The following FHAD1 variants were observed in gnomAD, a reference collection of about 807,000 sequenced individuals.
The protein encoded by FHAD1 is forkhead associated phosphopeptide binding domain 1.
In FHAD1, 146 loss-of-function variants were observed where a neutral mutation model predicts 191.3. The observed-to-expected ratio is 0.76, with a 90% CI of 0.67 to 0.88. The LOEUF (loss-of-function observed/expected upper bound fraction) is 0.88, where lower values mean the gene tolerates loss of function less well. Among genes scored for constraint, FHAD1 ranks in the 40% least tolerant of loss-of-function variants. The pLI, the probability that FHAD1 is intolerant of heterozygous loss-of-function variation, is 0.00. For missense variants in FHAD1, 1,635 were observed against 1,785.8 expected (o/e 0.92, Z 1.52); for synonymous variants, 616 against 672.3 (o/e 0.92, Z 1.29).
chr1:15,393,418 A>ACACACACACACG (rs1553127035), intron 33 of FHAD1, among the ~76,000 whole-genome samples: 9 of 128,452 alleles, frequency 7.0e-5, no homozygotes, highest in African/African-American at 3.5e-4. Flanking sequence ...AGATGTGGAC[A>ACACACACACACG]CACACACACA....
In FHAD1 at chr1:15,307,162, G is replaced by GT. The variant is rs577185895; in HGVS notation, c.916-1448dup. Among the ~76,000 whole-genome samples the GT allele has an allele frequency of 3.4e-3, 518 of 152,310 alleles. 3 individuals are homozygous for GT. The highest frequency in any genetic ancestry group is 0.012 in the African/African-American group (501 of 41,560). ...CAAAAGATCATTTTGGAGCTTTAAA[G>GT]TTTGACTGCCCTGCTGGATTTCAGA... On this transcript the variant is annotated intron_variant, in intron 6 of 33. Coordinates refer to ENST00000688493, the MANE Select transcript of FHAD1 (RefSeq NM_001391957.1).
intron 1 of FHAD1, among the ~76,000 whole-genome samples, chr1:15,247,878 T>C (rs1646285724): frequency 6.6e-6 from 1 of 152,210 alleles, no homozygotes. Context: ...GGAGTGCAGA[T>C]GCCTGAAGCT....
intron 31 of FHAD1, among the ~76,000 whole-genome samples, chr1:15,382,425 A>G (rs1203772564): frequency 6.6e-6 from 1 of 152,146 alleles, no homozygotes; most frequent in Non-Finnish European, 1.5e-5. Context: ...CATGGTGCTC[A>G]TCTGTATTTT....
At chr1:15,330,948 G>A (rs573388640) in intron 14 of FHAD1, among the ~76,000 whole-genome samples, 2 of 152,252 alleles carry the variant, frequency 1.3e-5, no homozygotes, top group Admixed American at 6.5e-5. Context: ...GCGGGCTGCC[G>A]TAAGAGATGA....
chr1:15,244,955 AG>A (rs1645826761), upstream of FHAD1, among the ~76,000 whole-genome samples: 1 of 152,184 alleles, frequency 6.6e-6, no homozygotes, highest in South Asian at 2.1e-4. The surrounding 1 kb of genome is among the most constrained non-coding windows in gnomAD (Gnocchi z 5.1). Context: ...GCCTCTGGTG[AG>A]GGTCTCAGGC....
chr1:15,327,396 G>T lies in FHAD1; in HGVS notation c.1557+254G>T. 1 of 409,768 alleles carries T rather than the reference G, an allele frequency of 2.4e-6. No homozygotes were observed. The highest frequency in any genetic ancestry group is 4.3e-5 in the Admixed American group (1 of 23,308). The allele number at this position is 409,768 out of a possible 1,614,324, so 25.4% of individuals were successfully genotyped here. The stretch of plus-strand genomic sequence containing the variant: ...CATTCGGGCTTACTTCTGGTCTCCA[G>T]ACATGCATGTTTCGCCTCCATTAGC... On this transcript the variant is annotated intron_variant, in intron 12 of 33. Transcript: ENST00000688493. The surrounding 1 kb of genome is among the most constrained non-coding windows in gnomAD (Gnocchi z 5.1).
chr1:15,382,228 G>C, intron 31 of FHAD1, 35 bp downstream of exon 31: 1 of 1,544,650 alleles, frequency 6.5e-7, no homozygotes, highest in Non-Finnish European at 8.7e-7. Flanking sequence ...AACCTCCCAG[G>C]CTGCCCTGCA....
rs1696842536 is a variant in FHAD1 at position 15,367,461 on chromosome 1, AG to A, written c.3157del. 6.4e-7 allele frequency: 1 copy of A among 1,550,904 alleles called. No homozygotes were observed. Among genetic ancestry groups the A allele is most frequent in the East Asian group, 2.4e-5 (1 of 40,898 alleles). ...CCTTACCGGCCCTCCTGTCACTCGC[AG>A]GGGAGCTAAACGAGAAGCAGAAGAT... On this transcript the variant is annotated splice_acceptor_variant, in intron 24 of 33. Transcript: ENST00000688493. LOFTEE classifies it high-confidence loss of function.
Position 15,252,068 on chromosome 1 carries a change from G to A in FHAD1, c.93+191G>A, listed in dbSNP as rs538262937. ...CCATTTCCCTGGCATAAGGAGTGAA[G>A]CTGAGTGCTGTACAGAGCATGATGC... On this transcript the variant is annotated intron_variant, in intron 2 of 33. Transcript: ENST00000688493. Among the ~76,000 whole-genome samples, 4 of 152,298 alleles carry A rather than the reference G, an allele frequency of 2.6e-5. No homozygotes were observed. In the East Asian group the frequency reaches 7.7e-4, roughly 29 times the overall value.
At chr1:15,395,287 G>A (rs572391183) in intron 33 of FHAD1, among the ~76,000 whole-genome samples, 4 of 135,122 alleles carry the variant, frequency 3.0e-5, no homozygotes, top group South Asian at 2.4e-4. Context: ...CAGCCTGGGC[G>A]ACAGAGCAAG....
intron 2 of FHAD1, among the ~76,000 whole-genome samples, chr1:15,253,627 G>T (rs1008994018): frequency 6.6e-6 from 1 of 152,132 alleles, no homozygotes; most frequent in Admixed American, 6.5e-5. Context: ...CCTCTTCATT[G>T]CCAGTATATA....
At chr1:15,371,121 G>A (rs544433218) in intron 26 of FHAD1, among the ~76,000 whole-genome samples, 1 of 152,310 alleles carries the variant, frequency 6.6e-6, no homozygotes, top group South Asian at 2.1e-4. Context: ...GGGGTGTGTG[G>A]CACTCCTGTT....
intron 31 of FHAD1, 32 bp downstream of exon 31, chr1:15,382,225 C>CA: frequency 6.5e-7 from 1 of 1,545,072 alleles, no homozygotes; most frequent in African/African-American, 1.4e-5. Flanking sequence ...CAGAACCTCC[C>CA]AGGCTGCCCT....
intron 31 of FHAD1, chr1:15,383,819 C>A (rs1452512298): frequency 4.8e-6 from 2 of 418,828 alleles, no homozygotes; most frequent in South Asian, 1.7e-5. Context: ...GAGGAAACTG[C>A]GCCTCAGAGA....
In FHAD1 at chr1:15,269,744, C is replaced by T. The variant is rs562167430; in HGVS notation, c.94-2579C>T. Among the ~76,000 whole-genome samples, 3 of 152,312 alleles carry T rather than the reference C, an allele frequency of 2.0e-5. No individual in the cohort carries two copies. In the South Asian group the frequency reaches 6.2e-4, roughly 32 times the overall value. ...TTCTGCCTGCTGGCTCTGCTAATTACTGACAGAGGGTTGTGGAAGTTTCAG... is the reference window on the plus strand; with the variant it reads ...TTCTGCCTGCTGGCTCTGCTAATTATTGACAGAGGGTTGTGGAAGTTTCAG... On this transcript the variant is annotated intron_variant, in intron 2 of 33. Transcript: ENST00000688493.
intron 3 of FHAD1, among the ~76,000 whole-genome samples, chr1:15,279,554 CAAAAA>C (rs57662759): frequency 1.4e-3 from 134 of 96,896 alleles, no homozygotes; most frequent in African/African-American, 4.5e-3. Context: ...CCTTAAAACT[CAAAAA>C]AAAAAAAAAA....
chr1:15,341,169 A>G (rs1686504702), intron 15 of FHAD1, among the ~76,000 whole-genome samples: 1 of 152,158 alleles, frequency 6.6e-6, no homozygotes. Context: ...GCGACAGAGC[A>G]AGACACCATC....
At chr1:15,292,744 G>A (rs1031736035) in intron 4 of FHAD1, among the ~76,000 whole-genome samples, 4 of 152,274 alleles carry the variant, frequency 2.6e-5, no homozygotes, top group East Asian at 1.9e-4. Context: ...GCCAAGAAGA[G>A]AGGCCTCAGG....
chr1:15,357,625 CAAAA>C (rs71000395), intron 20 of FHAD1, among the ~76,000 whole-genome samples: 2 of 76,110 alleles, frequency 2.6e-5, no homozygotes, highest in African/African-American at 4.6e-5. Context: ...TCCTCCGTCT[CAAAA>C]AAAAAAAAAA....
Sources: gnomAD v4.1 joint callset for allele counts (sites outside exome capture counted in the v4.1 genomes callset) on GRCh38, gnomAD v4.1.1 for gene constraint, Gnocchi (gnomAD v3.1) non-coding constraint, MANE v1.5 for transcripts, NCBI Gene and HGNC (gene_info 2026-07-23, HGNC 2026-07-21) for gene names.